Variants in NRG3 observed in about 807,000 individuals in gnomAD.
NRG3 encodes the protein neuregulin 3.
Under a neutral mutation model 66.9 loss-of-function variants are expected in NRG3, and 31 were observed. That is an observed-to-expected ratio of 0.46 (90% CI 0.35 to 0.63). The LOEUF (loss-of-function observed/expected upper bound fraction) is 0.63. NRG3 is among the 20% of genes least tolerant of loss of function. NRG3 has a pLI of 0.00. For missense variants in NRG3, 910 were observed against 878.9 expected, an observed-to-expected ratio of 1.04 and a Z score of -0.45; for synonymous variants, 393 against 359.4, an observed-to-expected ratio of 1.09 and a Z score of -1.06.
At chr10:82,852,475 T>C (rs917827856) in intron 3 of NRG3, among the ~76,000 whole-genome samples, 3 of 151,674 alleles carry the variant, frequency 2.0e-5, no homozygotes, top group Non-Finnish European at 4.4e-5. Flanking sequence ...AAACTAATAA[T>C]AGTAAAATAA....
intron 1 of NRG3, among the ~76,000 whole-genome samples, chr10:82,098,749 A>C (rs910068592): frequency 3.9e-5 from 6 of 151,926 alleles, no homozygotes; most frequent in African/African-American, 1.4e-4. Flanking sequence ...TTATTTATTT[A>C]TTTAGATAGC....
intron 1 of NRG3, among the ~76,000 whole-genome samples, chr10:82,335,142 C>G (rs147991749): frequency 5.3e-4 from 80 of 152,298 alleles, no homozygotes; most frequent in African/African-American, 1.7e-3. Flanking sequence ...AATATTCAGA[C>G]TGAGAATGCT....
intron 6 of NRG3, among the ~76,000 whole-genome samples, chr10:82,963,119 A>G (rs1306126747): frequency 4.6e-5 from 7 of 152,198 alleles, no homozygotes; most frequent in Admixed American, 1.3e-4. Flanking sequence ...AGAGAATGGA[A>G]AACGACTTCT....
At chr10:82,689,685 A>G (rs185273488) in intron 2 of NRG3, among the ~76,000 whole-genome samples, 1 of 152,326 alleles carries the variant, frequency 6.6e-6, no homozygotes, top group East Asian at 1.9e-4. Flanking sequence ...TGTACTTTTC[A>G]TTACCACAAA....
chr10:82,468,633 T>A (rs537009623), intron 2 of NRG3, among the ~76,000 whole-genome samples: 2 of 152,270 alleles, frequency 1.3e-5, no homozygotes, highest in East Asian at 3.9e-4. Context: ...AGGCAGAGAA[T>A]TATGTGAGGA....
At chr10:82,176,802 G>T (rs1439222188) in intron 1 of NRG3, among the ~76,000 whole-genome samples, 2 of 151,594 alleles carry the variant, frequency 1.3e-5, no homozygotes, top group African/African-American at 2.4e-5. Flanking sequence ...ACCTGGATTT[G>T]TTTTCCTTAG....
intron 1 of NRG3, among the ~76,000 whole-genome samples, chr10:82,207,867 G>A (rs2075201444): frequency 6.6e-6 from 1 of 152,168 alleles, no homozygotes; most frequent in African/African-American, 2.4e-5. Flanking sequence ...TCCACCTGGT[G>A]TCTCCCTTGA....
intron 2 of NRG3, among the ~76,000 whole-genome samples, chr10:82,583,372 C>A (rs894286356): frequency 3.9e-5 from 6 of 152,140 alleles, no homozygotes. Flanking sequence ...TCACTTCCTG[C>A]AGGCACATCA....
intron 1 of NRG3, among the ~76,000 whole-genome samples, chr10:81,887,036 C>T (rs1842663374): frequency 6.6e-6 from 1 of 151,996 alleles, no homozygotes; most frequent in African/African-American, 2.4e-5. Flanking sequence ...AGTTGTTATA[C>T]TTTTGAAAAA....
chr10:82,017,965 T>C (rs1248898294), intron 1 of NRG3, among the ~76,000 whole-genome samples: 1 of 152,244 alleles, frequency 6.6e-6, no homozygotes, highest in African/African-American at 2.4e-5. Flanking sequence ...TTGTCAATTG[T>C]GGCTTTTTTT....
intron 1 of NRG3, among the ~76,000 whole-genome samples, chr10:82,106,502 A>G (rs1030760572): frequency 3.3e-5 from 5 of 149,858 alleles, no homozygotes; most frequent in African/African-American, 1.3e-4. Flanking sequence ...AAAATGCATA[A>G]TTAGACTTTT....
intron 1 of NRG3, among the ~76,000 whole-genome samples, chr10:81,966,464 T>C (rs566919142): frequency 6.6e-6 from 1 of 152,086 alleles, no homozygotes; most frequent in African/African-American, 2.4e-5. Flanking sequence ...TATTTTCTGT[T>C]CTTCTATTTA....
intron 2 of NRG3, among the ~76,000 whole-genome samples, chr10:82,599,640 C>T (rs2047495675): frequency 6.6e-6 from 1 of 151,972 alleles, no homozygotes; most frequent in Admixed American, 6.6e-5. Flanking sequence ...ATGGTGAAAC[C>T]CCGTCTCTAT....
intron 1 of NRG3, among the ~76,000 whole-genome samples, chr10:81,946,151 G>C (rs1431625695): frequency 6.6e-6 from 1 of 151,946 alleles, no homozygotes; most frequent in Non-Finnish European, 1.5e-5. Context: ...TGAGTAGCTG[G>C]GATTACAGGC....
intron 1 of NRG3, among the ~76,000 whole-genome samples, chr10:82,041,593 A>G (rs1202851914): frequency 2.0e-5 from 3 of 151,998 alleles, no homozygotes; most frequent in African/African-American, 4.8e-5. Context: ...ATTTTCCCTC[A>G]TAATCAGAGG....
At chr10:82,561,266 T>G (rs946483873) in intron 2 of NRG3, among the ~76,000 whole-genome samples, 12 of 152,196 alleles carry the variant, frequency 7.9e-5, no homozygotes, top group African/African-American at 2.9e-4. Context: ...AAATGGCCTA[T>G]TTAAATTTGC....
At chr10:82,869,866 C>T (rs2135978681) in intron 4 of NRG3, among the ~76,000 whole-genome samples, 1 of 151,974 alleles carries the variant, frequency 6.6e-6, no homozygotes, top group African/African-American at 2.4e-5. Flanking sequence ...CCTCGGCCTC[C>T]CAAAGTGCTA....
At chr10:82,377,270 C>T (rs548073488) in intron 2 of NRG3, among the ~76,000 whole-genome samples, 1 of 152,290 alleles carries the variant, frequency 6.6e-6, no homozygotes, top group South Asian at 2.1e-4. Context: ...CCAGTTCATT[C>T]TCTGTATAGG....
chr10:82,898,203 C>A (rs756322134), intron 4 of NRG3, among the ~76,000 whole-genome samples: 2 of 152,190 alleles, frequency 1.3e-5, no homozygotes, highest in African/African-American at 4.8e-5. Context: ...TGGGGCTGAG[C>A]CCTGGTTGCC....
Sources: allele counts gnomAD v4.1 joint callset (sites outside exome capture counted in the v4.1 genomes callset), GRCh38; gene constraint gnomAD v4.1.1; transcripts MANE v1.5; gene names NCBI Gene and HGNC (gene_info 2026-07-23, HGNC 2026-07-21).